Variants in DNAJC2 observed in about 807,000 individuals in gnomAD.
The protein encoded by DNAJC2 is dnaJ homolog subfamily C member 2.
A neutral mutation model predicts 94.0 loss-of-function variants in DNAJC2; 32 were observed. The observed-to-expected ratio is 0.34, with a 90% CI of 0.26 to 0.46. The LOEUF is 0.46. DNAJC2 is among the 20% of genes least tolerant of loss of function. The pLI is 1.00. For missense variants in DNAJC2, 550 were observed against 719.5 expected (o/e 0.76, Z 2.69); for synonymous variants, 210 against 229.7 (o/e 0.91, Z 0.77).
chr7:103,315,276 C>G (rs777314382), intron 15 of DNAJC2, among the ~76,000 whole-genome samples: 5 of 151,642 alleles, frequency 3.3e-5, no homozygotes, highest in Non-Finnish European at 7.4e-5. Context: ...TCCCTGTATA[C>G]TCTGCCTACA....
chr7:103,320,992 G>A (rs956009842), intron 10 of DNAJC2: 9 of 153,338 alleles, frequency 5.9e-5, no homozygotes, highest in African/African-American at 2.2e-4. Context: ...GAGGCCAGGA[G>A]TTTGAGACCA....
Position 103,323,669 on chromosome 7 carries a change from A to G in DNAJC2, c.654-6T>C, listed in dbSNP as rs1818543853. On this transcript the variant is annotated splice_polypyrimidine_tract_variant and splice_region_variant and intron_variant, in intron 6 of 16. Coordinates refer to ENST00000379263, the MANE Select transcript of DNAJC2 (RefSeq NM_014377.3). ...TCCAAGAATCAAAATTATACCTAAT[A>G]TAGACAGAAATAATACATGATCAAG... 7.1e-7 allele frequency: 1 copy of G among 1,399,790 alleles called. No homozygotes were observed. Among genetic ancestry groups the G allele is most frequent in the Non-Finnish European group, 9.7e-7 (1 of 1,033,896 alleles). The allele number at this position is 1,399,790 out of a possible 1,614,324, so 86.7% of individuals were successfully genotyped here. A position where few individuals can be genotyped will look rare whatever the true frequency, so the allele number is the denominator to read the frequency against.
At chr7:103,321,662 A>T (rs1238215028) in intron 10 of DNAJC2, among the ~76,000 whole-genome samples, 1 of 151,844 alleles carries the variant, frequency 6.6e-6, no homozygotes, top group East Asian at 1.9e-4. Flanking sequence ...AGCTTTGCCA[A>T]CATGGCGAAA....
At chr7:103,314,735 T>A in intron 15 of DNAJC2, 3 of 739,686 alleles carry the variant, frequency 4.1e-6, no homozygotes, top group Non-Finnish European at 5.0e-6. Context: ...TCCCCTATAT[T>A]AACACTGTAA....
At chr7:103,342,860 G>A (rs923928833) in intron 1 of DNAJC2, among the ~76,000 whole-genome samples, 5 of 151,544 alleles carry the variant, frequency 3.3e-5, no homozygotes, top group South Asian at 2.1e-4. Context: ...CACCCACCTC[G>A]GCCTGCCAAA....
In DNAJC2 at chr7:103,324,531, C is replaced by A; in HGVS notation, c.604G>T (p.Gly202Cys). 1 of 1,489,384 alleles carries A rather than the reference C, an allele frequency of 6.7e-7. No homozygotes were observed. The highest frequency in any genetic ancestry group is 1.3e-5 in the South Asian group (1 of 76,982). 92.3% of individuals were successfully genotyped at this position (1,489,384 alleles called of 1,614,324 possible). The change falls in exon 6 of 17, where the codon GGT becomes TGT. Residue 202 changes from glycine (G) to cysteine (C), a missense_variant. Around this residue, in one of 2 missense-constraint regions of DNAJC2, gnomAD observed 279 missense variants for 416.9 expected, o/e 0.67. Coordinates refer to ENST00000379263, the MANE Select transcript of DNAJC2 (RefSeq NM_014377.3). ...TCTTCAAATGATGAATTCATATCAC[C>A]AAGTTTAGGAACATTTTTTTTATTT... ...WSNKKNVPKL[G>C]DMNSSFEDVD...
chr7:103,316,584 G>C, intron 13 of DNAJC2: 1 of 453,040 alleles, frequency 2.2e-6, no homozygotes. Flanking sequence ...CATAAATCAA[G>C]ACTTGTCTCA....
At chr7:103,320,630 G>C (rs1480048993) in intron 10 of DNAJC2, among the ~76,000 whole-genome samples, 2 of 151,302 alleles carry the variant, frequency 1.3e-5, no homozygotes, top group Non-Finnish European at 2.9e-5. Context: ...CGTGGTCCCA[G>C]CTACTCGGGA....
chr7:103,342,929 G>T (rs535317565), intron 1 of DNAJC2, among the ~76,000 whole-genome samples: 1 of 150,994 alleles, frequency 6.6e-6, no homozygotes. Flanking sequence ...TTTTAATAAA[G>T]TAATAAATAG....
chr7:103,324,573 A>G lies in DNAJC2; in HGVS notation c.573-11T>C. On this transcript the variant is annotated splice_polypyrimidine_tract_variant and intron_variant, in intron 5 of 16. Coordinates refer to ENST00000379263, the MANE Select transcript of DNAJC2 (RefSeq NM_014377.3). Reference sequence around the variant, plus strand: ...TTTTTATTTGACCATCTGAAATATCAAAGGAAATATTCTTACAATTCTTCA... The same window carrying G: ...TTTTTATTTGACCATCTGAAATATCGAAGGAAATATTCTTACAATTCTTCA... 1 of 1,452,412 alleles carries G rather than the reference A, an allele frequency of 6.9e-7. No homozygotes were observed. The highest frequency in any genetic ancestry group is 1.4e-5 in the African/African-American group (1 of 69,166). 90.0% of individuals were successfully genotyped at this position (1,452,412 alleles called of 1,614,324 possible). A position where few individuals can be genotyped will look rare whatever the true frequency, so the allele number is the denominator to read the frequency against.
Position 103,341,761 on chromosome 7 carries a change from T to A in DNAJC2, c.255+3A>T. 6.5e-7 allele frequency: 1 copy of A among 1,549,940 alleles called. No individual in the cohort carries two copies. The highest frequency in any genetic ancestry group is 1.2e-5 in the South Asian group (1 of 80,048). On this transcript the variant is annotated splice_donor_region_variant and intron_variant, in intron 2 of 16. Coordinates refer to ENST00000379263, the MANE Select transcript of DNAJC2 (RefSeq NM_014377.3). ...CTGAACAAAATATTCAGATATTAAATACCTTCCAGTCTTTGGGATCAAGTG... is the reference window on the plus strand; with the variant it reads ...CTGAACAAAATATTCAGATATTAAAAACCTTCCAGTCTTTGGGATCAAGTG...
chr7:103,319,466 A>T, intron 12 of DNAJC2, 143 bp downstream of exon 12: 3 of 903,466 alleles, frequency 3.3e-6, no homozygotes, highest in Admixed American at 5.4e-5. Context: ...CCGAACACAT[A>T]AAACAACAAC....
chr7:103,333,872 G>A (rs1349655546), intron 3 of DNAJC2, among the ~76,000 whole-genome samples: 1 of 151,716 alleles, frequency 6.6e-6, no homozygotes, highest in Non-Finnish European at 1.5e-5. Context: ...ATATATAGCA[G>A]TTTGCTTATC....
At chr7:103,331,612 T>C (rs1431338902) in intron 3 of DNAJC2, among the ~76,000 whole-genome samples, 1 of 152,214 alleles carries the variant, frequency 6.6e-6, no homozygotes. Flanking sequence ...GAACATGCAA[T>C]ATTTGCCTTT....
chr7:103,322,030 CCTCTT>C lies in DNAJC2; in HGVS notation c.980_984del (p.Glu327GlyfsTer22), dbSNP rs1310637888. 1 of 1,613,910 alleles carries C rather than the reference CCTCTT, an allele frequency of 6.2e-7. No homozygotes were observed. The highest frequency in any genetic ancestry group is 1.3e-5 in the African/African-American group (1 of 75,014). ...AGCAATGCTTGCTGTCTGACTTCCT[CCTCTT>C]CTTTCTCCTTAGCTAACCGAGCAGC... On this transcript the variant is annotated frameshift_variant, in exon 10 of 17. Transcript: ENST00000379263. LOFTEE classifies it high-confidence loss of function.
Position 103,321,175 on chromosome 7 carries a change from G to A in DNAJC2, c.1083+757C>T, listed in dbSNP as rs533806032. The stretch of plus-strand genomic sequence containing the variant: ...ATGGCGCCACTGCACTCCAGCCTGA[G>A]TGACTGAGACCCTGCCTCAACAACA... On this transcript the variant is annotated intron_variant, in intron 10 of 16. Coordinates refer to ENST00000379263, the MANE Select transcript of DNAJC2 (RefSeq NM_014377.3). Among the ~76,000 whole-genome samples, 2 of 152,232 alleles carry A rather than the reference G, an allele frequency of 1.3e-5. 1 individual carries two copies. Among genetic ancestry groups the A allele is most frequent in the South Asian group, 4.1e-4 (2 of 4,826 alleles).
rs2074624 is a variant in DNAJC2 at position 103,344,764 on chromosome 7, C to T, written c.-142G>A. 1.3e-6 allele frequency: 1 copy of T among 768,686 alleles called. No individual in the cohort carries two copies. The highest frequency in any genetic ancestry group is 1.6e-5 in the South Asian group (1 of 62,416). The allele number at this position is 768,686 out of a possible 1,614,324, so 47.6% of individuals were successfully genotyped here. On this transcript the variant is annotated 5_prime_UTR_variant, in exon 1 of 17. Coordinates refer to ENST00000379263, the MANE Select transcript of DNAJC2 (RefSeq NM_014377.3). ...CCAGGAACCGGCGCATGGAGACGAC[C>T]AGTAAGCACTTCCGGGATGGATCTT...
rs565271369 is a variant in DNAJC2 at position 103,332,227 on chromosome 7, G to C, written c.332-4473C>G. 3.5e-4 allele frequency among the ~76,000 whole-genome samples: 53 copies of C among 152,222 alleles called. 1 individual carries two copies. In the East Asian group the frequency reaches 0.01, roughly 29 times the overall value. On this transcript the variant is annotated intron_variant, in intron 3 of 16. Transcript: ENST00000379263. ...TCACCGTGTTAGCCAGGATGGTCTC[G>C]ATCTCCTGACCTCATGATCCGCCCG... is the stretch of plus-strand genomic sequence containing the variant.
intron 10 of DNAJC2, chr7:103,320,830 CT>C (rs745754898): frequency 0.097 from 11,049 of 113,672 alleles, 226 homozygotes; most frequent in African/African-American, 0.15. Flanking sequence ...CTCAGCATGT[CT>C]TTTTTTTTTT....
Sources: gnomAD v4.1 joint callset for allele counts (sites outside exome capture counted in the v4.1 genomes callset) on GRCh38, gnomAD v4.1.1 for gene constraint, gnomAD v4.1.1 regional missense constraint, MANE v1.5 for transcripts, NCBI Gene and HGNC (gene_info 2026-07-23, HGNC 2026-07-21) for gene names.